The following TRPS1 variants were observed in gnomAD, a reference collection of about 807,000 sequenced individuals.
TRPS1 encodes the protein zinc finger transcription factor Trps1.
In TRPS1, 6 loss-of-function variants were observed where a neutral mutation model predicts 101.2. That is an observed-to-expected ratio of 0.06 (90% CI 0.03 to 0.12). TRPS1 has a LOEUF of 0.12. Ranked by LOEUF, TRPS1 falls within the 10% of genes least tolerant of loss-of-function variation. The pLI is 1.00. For synonymous variants in TRPS1, 578 were observed against 589.8 expected, an observed-to-expected ratio of 0.98 and a Z score of 0.29; for missense variants, 1,363 against 1,567.0, an observed-to-expected ratio of 0.87 and a Z score of 2.20.
At chr8:115,577,134 A>T (rs1301523941) in intron 5 of TRPS1, among the ~76,000 whole-genome samples, 2 of 152,162 alleles carry the variant, frequency 1.3e-5, no homozygotes, top group African/African-American at 4.8e-5. Flanking sequence ...AATGTTAACA[A>T]GTAAAGTTTT....
intron 5 of TRPS1, among the ~76,000 whole-genome samples, chr8:115,581,516 T>C (rs931129887): frequency 2.0e-5 from 3 of 152,094 alleles, no homozygotes; most frequent in African/African-American, 7.2e-5. Context: ...CCACAATATG[T>C]ACAATTATTG....
intron 5 of TRPS1, among the ~76,000 whole-genome samples, chr8:115,535,056 T>A (rs1816249311): frequency 6.7e-6 from 1 of 148,158 alleles, no homozygotes; most frequent in African/African-American, 2.5e-5. Flanking sequence ...ATAGCATATG[T>A]ATAGCATATA....
chr8:115,619,050 C>T, intron 3 of TRPS1, 82 bp downstream of exon 3: 1 of 1,502,560 alleles, frequency 6.7e-7, no homozygotes, highest in Non-Finnish European at 9.1e-7. Context: ...GTACTGGGAC[C>T]TTGGTTTTAA....
intron 5 of TRPS1, among the ~76,000 whole-genome samples, chr8:115,436,872 A>G (rs800885): frequency 0.86 from 130,946 of 151,900 alleles, 56,837 homozygotes; most frequent in African/African-American, 0.95. Flanking sequence ...AAAATGAAGG[A>G]GTGTAGATTC....
At chr8:115,496,830 T>C (rs1362582811) in intron 5 of TRPS1, among the ~76,000 whole-genome samples, 2 of 152,210 alleles carry the variant, frequency 1.3e-5, no homozygotes, top group Non-Finnish European at 2.9e-5. Context: ...GTTTTCTACA[T>C]TTGTATCTCC....
intron 5 of TRPS1, among the ~76,000 whole-genome samples, chr8:115,545,534 G>A (rs1455089554): frequency 6.6e-6 from 1 of 152,106 alleles, no homozygotes; most frequent in Non-Finnish European, 1.5e-5. Context: ...CATTAAAATA[G>A]CACAAGGCAT....
At chr8:115,623,286 T>C (rs1170445568) in intron 2 of TRPS1, among the ~76,000 whole-genome samples, 1 of 152,016 alleles carries the variant, frequency 6.6e-6, no homozygotes, top group Non-Finnish European at 1.5e-5. Flanking sequence ...GGCGGGGGCA[T>C]GTTCTTTAGT....
chr8:115,548,926 G>A (rs191360877), intron 5 of TRPS1, among the ~76,000 whole-genome samples: 106 of 152,288 alleles, frequency 7.0e-4, no homozygotes, highest in Non-Finnish European at 1.2e-4. Flanking sequence ...CCTTTGTGAA[G>A]AAGATGTAAA....
At chr8:115,524,477 C>T (rs563230252) in intron 5 of TRPS1, among the ~76,000 whole-genome samples, 11 of 151,970 alleles carry the variant, frequency 7.2e-5, no homozygotes, top group African/African-American at 2.2e-4. Context: ...TGCGCCACCA[C>T]GCCCAGCTAA....
intron 3 of TRPS1, among the ~76,000 whole-genome samples, chr8:115,610,167 A>G (rs2130507874): frequency 6.6e-6 from 1 of 152,336 alleles, no homozygotes; most frequent in South Asian, 2.1e-4. Context: ...AGAGACAATT[A>G]TAAGGGTACT....
chr8:115,561,004 C>A (rs1290250873), intron 5 of TRPS1, among the ~76,000 whole-genome samples: 2 of 152,096 alleles, frequency 1.3e-5, no homozygotes, highest in Non-Finnish European at 2.9e-5. Context: ...ACGAAAACCA[C>A]AGCTTTATTT....
At chr8:115,551,560 C>T (rs1816705535) in intron 5 of TRPS1, among the ~76,000 whole-genome samples, 1 of 152,054 alleles carries the variant, frequency 6.6e-6, no homozygotes, top group Non-Finnish European at 1.5e-5. Context: ...CTGGATAACT[C>T]ACATGTTTTA....
At chr8:115,492,080 T>C in intron 5 of TRPS1, 1 of 422,814 alleles carries the variant, frequency 2.4e-6, no homozygotes, top group South Asian at 1.7e-5. Context: ...TGTTTAAAAT[T>C]TTGAAAAGAA....
At chr8:115,628,589 C>T (rs1005183378) in intron 1 of TRPS1, among the ~76,000 whole-genome samples, 1 of 151,676 alleles carries the variant, frequency 6.6e-6, no homozygotes, top group African/African-American at 2.4e-5. Context: ...ATATGAAAAG[C>T]TTTATATATG....
chr8:115,454,025 A>G (rs1813951402), intron 5 of TRPS1, among the ~76,000 whole-genome samples: 1 of 152,202 alleles, frequency 6.6e-6, no homozygotes, highest in Non-Finnish European at 1.5e-5. Flanking sequence ...AAAAGTAGAT[A>G]AATGCCTGAG....
chr8:115,657,356 T>C (rs1811697622), intron 1 of TRPS1, among the ~76,000 whole-genome samples: 1 of 152,144 alleles, frequency 6.6e-6, no homozygotes, highest in Admixed American at 6.5e-5. Context: ...AGATGGCTAC[T>C]ATTCTAGTTT....
At chr8:115,612,363 T>C (rs760656069) in intron 3 of TRPS1, among the ~76,000 whole-genome samples, 14 of 151,940 alleles carry the variant, frequency 9.2e-5, no homozygotes, top group Non-Finnish European at 1.8e-4. Flanking sequence ...TCAATAAGGA[T>C]TTACTTGAAA....
Position 115,455,174 on chromosome 8 carries a change from C to T in TRPS1, c.2701-36722G>A, listed in dbSNP as rs1813985440. 2.0e-5 allele frequency among the ~76,000 whole-genome samples: 3 copies of T among 152,224 alleles called. No individual in the cohort carries two copies. In the South Asian group the frequency reaches 6.2e-4, roughly 32 times the overall value. On this transcript the variant is annotated intron_variant, in intron 5 of 6. Transcript: ENST00000395715. The stretch of plus-strand genomic sequence containing the variant: ...GCCTATCTTAACAGGCACATATTGC[C>T]ACAAAGGCAAAAGAAATGTAAATAA...
chr8:115,450,810 G>A (rs547583074), intron 5 of TRPS1, among the ~76,000 whole-genome samples: 85 of 152,254 alleles, frequency 5.6e-4, no homozygotes, highest in Middle Eastern at 6.8e-3. Flanking sequence ...TTGGGACAGC[G>A]TTTTAGTGTT....
Sources: gnomAD v4.1 joint callset for allele counts (sites outside exome capture counted in the v4.1 genomes callset) on GRCh38, gnomAD v4.1.1 for gene constraint, MANE v1.5 for transcripts, NCBI Gene and HGNC (gene_info 2026-07-23, HGNC 2026-07-21) for gene names.